The following SMAD1 variants were observed in gnomAD, a reference collection of about 807,000 sequenced individuals.
SMAD1 encodes the protein SMAD family member 1.
A neutral mutation model predicts 41.6 loss-of-function variants in SMAD1; 6 were observed. That is an observed-to-expected ratio of 0.14 (90% CI 0.08 to 0.28). The LOEUF (loss-of-function observed/expected upper bound fraction) is 0.28, where lower values mean the gene tolerates loss of function less well. Among genes scored for constraint, SMAD1 ranks in the 10% least tolerant of loss-of-function variants. The pLI is 1.00. For missense variants in SMAD1, 379 were observed against 582.6 expected (o/e 0.65, Z 3.60); for synonymous variants, 206 against 203.2 (o/e 1.01, Z -0.12).
intron 1 of SMAD1, among the ~76,000 whole-genome samples, chr4:145,485,365 T>C (rs771703448): frequency 6.6e-6 from 1 of 152,240 alleles, no homozygotes; most frequent in Non-Finnish European, 1.5e-5. Context: ...TGTGAGCCAC[T>C]GCACTCGGCT....
chr4:145,550,311 G>A (rs913113249), intron 5 of SMAD1, among the ~76,000 whole-genome samples: 4 of 152,038 alleles, frequency 2.6e-5, no homozygotes, highest in Non-Finnish European at 5.9e-5. Context: ...TCAGGAGTTC[G>A]AGACCAGCCT....
chr4:145,488,944 T>C (rs1465949472), intron 1 of SMAD1, among the ~76,000 whole-genome samples: 1 of 151,918 alleles, frequency 6.6e-6, no homozygotes, highest in Non-Finnish European at 1.5e-5. Context: ...GACATGTGAG[T>C]TTGCATAGGC....
At chr4:145,555,304 AAC>A (rs747299992) in intron 6 of SMAD1, among the ~76,000 whole-genome samples, 43 of 152,338 alleles carry the variant, frequency 2.8e-4, no homozygotes, top group Non-Finnish European at 5.3e-4. Flanking sequence ...TTAAAATAAG[AAC>A]AGTGACCTGC....
chr4:145,540,362 C>T (rs1731853415), intron 3 of SMAD1, among the ~76,000 whole-genome samples: 1 of 152,218 alleles, frequency 6.6e-6, no homozygotes, highest in African/African-American at 2.4e-5. Flanking sequence ...AGTCTTTACT[C>T]TTGATAAAAA....
intron 1 of SMAD1, among the ~76,000 whole-genome samples, chr4:145,493,685 G>A (rs1220500787): frequency 6.6e-6 from 1 of 152,188 alleles, no homozygotes; most frequent in East Asian, 1.9e-4. Flanking sequence ...TAAAAGGGGT[G>A]TGTCCTCACT....
chr4:145,502,363 T>A (rs2068991), intron 1 of SMAD1, among the ~76,000 whole-genome samples: 38 of 152,180 alleles, frequency 2.5e-4, no homozygotes, highest in Non-Finnish European at 2.9e-4. Flanking sequence ...GTTGTACAAC[T>A]TTTAGAGGAA....
chr4:145,554,328 T>C (rs1258960007), intron 6 of SMAD1, among the ~76,000 whole-genome samples: 3 of 152,214 alleles, frequency 2.0e-5, no homozygotes, highest in African/African-American at 7.2e-5. Flanking sequence ...GAATATGTTA[T>C]GTTATATATT....
At chr4:145,518,234 A>G (rs11945076) in intron 2 of SMAD1, among the ~76,000 whole-genome samples, 2,071 of 126,182 alleles carry the variant, frequency 0.016, 254 homozygotes, top group African/African-American at 0.049. Context: ...GCCTGTAAAT[A>G]GCCATTACGT....
rs575944552 is a variant in SMAD1 at position 145,558,093 on chromosome 4, A to AC, written c.*159_*160insC. 1,008 of 400,382 alleles carry AC rather than the reference A, an allele frequency of 2.5e-3. 11 individuals are homozygous for AC. Among genetic ancestry groups the AC allele is most frequent in the African/African-American group, 0.01 (504 of 49,096 alleles). 24.8% of individuals were successfully genotyped at this position (400,382 alleles called of 1,614,324 possible). ...AGAAATTTAAACAAAAAAAAAAAAAAACACACACACCTTGGTAACATACTG... is the reference window on the plus strand; with the variant it reads ...AGAAATTTAAACAAAAAAAAAAAAAACACACACACACCTTGGTAACATACTG... On this transcript the variant is annotated 3_prime_UTR_variant, in exon 7 of 7. Coordinates refer to ENST00000302085, the MANE Select transcript of SMAD1 (RefSeq NM_005900.3).
At chr4:145,505,241 G>A (rs1729698800) in intron 1 of SMAD1, among the ~76,000 whole-genome samples, 1 of 152,112 alleles carries the variant, frequency 6.6e-6, no homozygotes, top group Admixed American at 6.5e-5. Flanking sequence ...TTTAATTTAA[G>A]CATCTCAAAC....
chr4:145,497,056 T>C (rs150191630), intron 1 of SMAD1: 2 of 152,360 alleles, frequency 1.3e-5, no homozygotes, highest in East Asian at 1.9e-4. Flanking sequence ...GAATCTTAAA[T>C]AGGCATTTCT....
intron 5 of SMAD1, among the ~76,000 whole-genome samples, chr4:145,552,986 C>G (rs1732632184): frequency 6.6e-6 from 1 of 152,058 alleles, no homozygotes; most frequent in Admixed American, 6.6e-5. Context: ...CTCACTGCAG[C>G]CTCAACCTCC....
chr4:145,534,628 CT>C (rs1731510165), intron 2 of SMAD1, among the ~76,000 whole-genome samples: 1 of 152,128 alleles, frequency 6.6e-6, no homozygotes, highest in South Asian at 2.1e-4. Flanking sequence ...ATTTATGGAA[CT>C]TTTTTAAAGC....
intron 4 of SMAD1, 71 bp downstream of exon 4, chr4:145,542,769 AT>A: frequency 1.0e-6 from 1 of 1,003,684 alleles, no homozygotes; most frequent in Non-Finnish European, 1.5e-6. Context: ...TCTCTCACAA[AT>A]TTTTATTAGT....
chr4:145,520,149 A>C (rs1307033779), intron 2 of SMAD1, among the ~76,000 whole-genome samples: 1 of 152,238 alleles, frequency 6.6e-6, no homozygotes, highest in Admixed American at 6.5e-5. Context: ...TTTGGAAGAC[A>C]GTATGGAGGT....
intron 5 of SMAD1, among the ~76,000 whole-genome samples, chr4:145,549,411 A>G (rs1051791515): frequency 6.6e-6 from 1 of 152,208 alleles, no homozygotes; most frequent in Non-Finnish European, 1.5e-5. Context: ...CTGTCTACTC[A>G]CCATCTGTCT....
At chr4:145,486,529 G>A (rs548321033) in intron 1 of SMAD1, among the ~76,000 whole-genome samples, 14 of 121,630 alleles carry the variant, frequency 1.2e-4, no homozygotes, top group African/African-American at 9.6e-4. Flanking sequence ...TTTAAGAATC[G>A]ATGAAACTAT....
intron 1 of SMAD1, among the ~76,000 whole-genome samples, chr4:145,508,710 A>G (rs981206377): frequency 6.6e-6 from 1 of 152,170 alleles, no homozygotes; most frequent in African/African-American, 2.4e-5. Context: ...GTAGGCCGCT[A>G]TAACAAAATA....
intron 1 of SMAD1, among the ~76,000 whole-genome samples, chr4:145,487,329 G>A (rs1388615824): frequency 2.6e-5 from 4 of 152,088 alleles, no homozygotes; most frequent in African/African-American, 9.7e-5. Context: ...CAGGTCTGAG[G>A]AGAAAAAGGA....
Sources: gnomAD v4.1 joint callset for allele counts (sites outside exome capture counted in the v4.1 genomes callset) on GRCh38, gnomAD v4.1.1 for gene constraint, MANE v1.5 for transcripts, NCBI Gene and HGNC (gene_info 2026-07-23, HGNC 2026-07-21) for gene names.